The following DTD1 variants were observed in gnomAD, a reference collection of about 807,000 sequenced individuals.
DTD1 encodes D-tyrosyl-tRNA deacylase 1 homolog.
A neutral mutation model predicts 25.6 loss-of-function variants in DTD1; 13 were observed. That is an observed-to-expected ratio of 0.51 (90% CI 0.33 to 0.81). DTD1 has a LOEUF of 0.81. Ranked by LOEUF, DTD1 falls within the 30% of genes least tolerant of loss-of-function variation. The pLI, the probability that DTD1 is intolerant of heterozygous loss-of-function variation, is 0.02. For missense variants in DTD1, 193 were observed against 266.4 expected, an observed-to-expected ratio of 0.72 and a Z score of 1.92; for synonymous variants, 110 against 103.6, an observed-to-expected ratio of 1.06 and a Z score of -0.37.
chr20:18,656,707 C>G (rs1012255668), intron 4 of DTD1, among the ~76,000 whole-genome samples: 1 of 152,192 alleles, frequency 6.6e-6, no homozygotes, highest in African/African-American at 2.4e-5. Flanking sequence ...CACTTGAAGT[C>G]TTCTGTTTAC....
intron 4 of DTD1, among the ~76,000 whole-genome samples, chr20:18,691,321 G>A (rs1434030133): frequency 1.3e-5 from 2 of 152,140 alleles, no homozygotes; most frequent in African/African-American, 4.8e-5. Flanking sequence ...GTACTTATAT[G>A]TTCATCACAG....
intron 5 of DTD1, 52 bp downstream of exon 5, chr20:18,744,323 A>G (rs1259928040): frequency 5.1e-6 from 8 of 1,577,896 alleles, no homozygotes; most frequent in African/African-American, 1.4e-5. Flanking sequence ...GGAAGCAGCA[A>G]TGAATAGGAG....
At chr20:18,629,753 G>A (rs2060776321) in intron 4 of DTD1, among the ~76,000 whole-genome samples, 1 of 151,858 alleles carries the variant, frequency 6.6e-6, no homozygotes, top group African/African-American at 2.4e-5. Context: ...TGTGCAGGAA[G>A]GATGGCTGCA....
At chr20:18,735,082 A>G (rs1336333065) in intron 4 of DTD1, among the ~76,000 whole-genome samples, 1 of 152,236 alleles carries the variant, frequency 6.6e-6, no homozygotes, top group Non-Finnish European at 1.5e-5. Flanking sequence ...GACTTGCACC[A>G]TAAGACTTTT....
At chr20:18,615,716 A>G (rs2060706496) in intron 3 of DTD1, among the ~76,000 whole-genome samples, 1 of 152,220 alleles carries the variant, frequency 6.6e-6, no homozygotes, top group Non-Finnish European at 1.5e-5. Context: ...ACAGTATTCA[A>G]AAGGATTACC....
At chr20:18,622,009 AGCAGAGATT>A (rs1405048086) in intron 3 of DTD1, among the ~76,000 whole-genome samples, 1 of 152,008 alleles carries the variant, frequency 6.6e-6, no homozygotes, top group African/African-American at 2.4e-5. Flanking sequence ...GGTTGCAGTG[AGCAGAGATT>A]GTGCCACTGC....
At chr20:18,727,092 G>A (rs1199222468) in intron 4 of DTD1, among the ~76,000 whole-genome samples, 1 of 152,246 alleles carries the variant, frequency 6.6e-6, no homozygotes, top group Non-Finnish European at 1.5e-5. Context: ...AGGTGCTGTG[G>A]TGAGGTAGCA....
At chr20:18,588,543 C>A (rs888253953) in intron 1 of DTD1, among the ~76,000 whole-genome samples, 3 of 152,198 alleles carry the variant, frequency 2.0e-5, no homozygotes, top group African/African-American at 4.8e-5. Context: ...CAATTTTTGC[C>A]CATTTTTACG....
At chr20:18,603,370 C>G (rs1376041832) in intron 3 of DTD1, among the ~76,000 whole-genome samples, 1 of 87,152 alleles carries the variant, frequency 1.1e-5, no homozygotes, top group East Asian at 2.8e-4. Flanking sequence ...ATCAACGAGA[C>G]AGAAAGTCAA....
chr20:18,732,694 A>G (rs771383946), intron 4 of DTD1, among the ~76,000 whole-genome samples: 3 of 152,262 alleles, frequency 2.0e-5, no homozygotes, highest in African/African-American at 4.8e-5. Context: ...GGACAGCAAC[A>G]TAATACAAAA....
intron 1 of DTD1, chr20:18,588,778 A>C: frequency 1.0e-6 from 1 of 985,012 alleles, no homozygotes; most frequent in East Asian, 1.1e-4. Flanking sequence ...TTTCTTGTGG[A>C]CCAAGCTACC....
intron 3 of DTD1, among the ~76,000 whole-genome samples, chr20:18,617,322 A>G (rs939167907): frequency 1.3e-5 from 2 of 148,344 alleles, no homozygotes; most frequent in African/African-American, 4.9e-5. Context: ...AAAAAATTAT[A>G]TATAATATAT....
chr20:18,750,821 A>T (rs2061318762), intron 5 of DTD1, among the ~76,000 whole-genome samples: 1 of 152,122 alleles, frequency 6.6e-6, no homozygotes, highest in African/African-American at 2.4e-5. Flanking sequence ...GTGGTTTCTG[A>T]TTTGATTGCA....
At chr20:18,684,520 C>A (rs1175440855) in intron 4 of DTD1, among the ~76,000 whole-genome samples, 6 of 152,116 alleles carry the variant, frequency 3.9e-5, no homozygotes, top group Admixed American at 2.6e-4. Context: ...CTCCTGACCT[C>A]AAGTTTTCCA....
intron 4 of DTD1, among the ~76,000 whole-genome samples, chr20:18,731,595 C>A (rs533045232): frequency 1.2e-4 from 18 of 152,236 alleles, no homozygotes; most frequent in African/African-American, 4.3e-4. Flanking sequence ...TTCTCTATTT[C>A]TAAATAATGA....
intron 5 of DTD1, among the ~76,000 whole-genome samples, chr20:18,761,905 A>G (rs531922738): frequency 6.6e-6 from 1 of 152,348 alleles, no homozygotes; most frequent in African/African-American, 2.4e-5. Context: ...GTCCCCAGGA[A>G]TGATGTTGTC....
intron 3 of DTD1, among the ~76,000 whole-genome samples, chr20:18,618,147 C>T (rs2060716829): frequency 6.6e-6 from 1 of 152,178 alleles, no homozygotes; most frequent in African/African-American, 2.4e-5. Flanking sequence ...GTAGGCACCG[C>T]ACCTTTCTGC....
chr20:18,724,712 C>T (rs1259398349), intron 4 of DTD1, among the ~76,000 whole-genome samples: 2 of 152,090 alleles, frequency 1.3e-5, no homozygotes, highest in Non-Finnish European at 2.9e-5. Flanking sequence ...TTTCATTTTT[C>T]TTCAAATTGA....
chr20:18,655,706 T>C (rs2060889200), intron 4 of DTD1, among the ~76,000 whole-genome samples: 1 of 152,222 alleles, frequency 6.6e-6, no homozygotes, highest in African/African-American at 2.4e-5. Flanking sequence ...AGAGGGTATT[T>C]CATTGAATGG....
Sources: allele counts gnomAD v4.1 joint callset (sites outside exome capture counted in the v4.1 genomes callset), GRCh38; gene constraint gnomAD v4.1.1; transcripts MANE v1.5; gene names NCBI Gene and HGNC (gene_info 2026-07-23, HGNC 2026-07-21).